TUSC3: variants seen among roughly 807,000 people sequenced by gnomAD.
TUSC3 encodes the protein dolichyl-diphosphooligosaccharide--protein glycosyltransferase subunit TUSC3.
TUSC3 carries 45 observed loss-of-function variants against 44.8 expected under a neutral mutation model. That is an observed-to-expected ratio of 1.00 (90% CI 0.79 to 1.29). The LOEUF is 1.29. Ranked by LOEUF, TUSC3 falls within the 50% of genes most tolerant of loss-of-function variation. The pLI, the probability that TUSC3 is intolerant of heterozygous loss-of-function variation, is 0.00. For synonymous variants in TUSC3, 212 were observed against 152.9 expected (o/e 1.39, Z -2.85); for missense variants, 519 against 437.9 (o/e 1.19, Z -1.65).
chr8:15,686,861 G>A (rs534436129), intron 6 of TUSC3, among the ~76,000 whole-genome samples: 1 of 151,880 alleles, frequency 6.6e-6, no homozygotes, highest in Non-Finnish European at 1.5e-5. Flanking sequence ...AAGGTCAGGA[G>A]ATCGAGACCA....
At chr8:15,580,812 C>G (rs1234060632) in intron 1 of TUSC3, among the ~76,000 whole-genome samples, 2 of 141,006 alleles carry the variant, frequency 1.4e-5, no homozygotes, top group Non-Finnish European at 3.1e-5. Context: ...TTGCTCTTCT[C>G]GAGGAGTATC....
rs1416244295 is a variant in TUSC3, at chr8:15,602,001, G to A, written c.139-21079G>A. ...TAATTTGTATCAATTGAGCATCCCT[G>A]ATCTAAAAATACGATGTCTACCTGA... On this transcript the variant is annotated intron_variant, in intron 1 of 10. Transcript: ENST00000503731. 2.0e-5 allele frequency among the ~76,000 whole-genome samples: 3 copies of A among 151,390 alleles called. No homozygotes were observed. In the Admixed American group the frequency reaches 2.0e-4, roughly 10 times the overall value.
At chr8:15,420,086 T>C (rs1381188324) in intron 1 of TUSC3, among the ~76,000 whole-genome samples, 1 of 152,164 alleles carries the variant, frequency 6.6e-6, no homozygotes, top group African/African-American at 2.4e-5. Context: ...AAAAACACTA[T>C]AACAAAGCTT....
chr8:15,669,019 G>A (rs1327261436), intron 5 of TUSC3, among the ~76,000 whole-genome samples: 4 of 151,676 alleles, frequency 2.6e-5, no homozygotes, highest in Admixed American at 2.0e-4. Context: ...GTTACAATTT[G>A]GGACCCACTG....
At chr8:15,488,555 C>A (rs935545878) in intron 2 of TUSC3, among the ~76,000 whole-genome samples, 1 of 151,910 alleles carries the variant, frequency 6.6e-6, no homozygotes, top group African/African-American at 2.4e-5. Flanking sequence ...ATGTTGTGTC[C>A]CCACCAAATT....
In TUSC3 at chr8:15,678,522, T is replaced by G. The variant is rs185181282; in HGVS notation, c.798+4686T>G. 1.2e-4 allele frequency among the ~76,000 whole-genome samples: 19 copies of G among 152,316 alleles called. No individual in the cohort carries two copies. The East Asian group carries it at 3.7e-3, about 29-fold the overall frequency. Reference sequence around the variant, plus strand: ...AAAAGTCTCATCAATTAAATATAGTTTTATTTTTAAGCCAATATCATATGT... The same window carrying G: ...AAAAGTCTCATCAATTAAATATAGTGTTATTTTTAAGCCAATATCATATGT... On this transcript the variant is annotated intron_variant, in intron 6 of 10. Coordinates refer to ENST00000503731, the MANE Select transcript of TUSC3 (RefSeq NM_006765.4).
At chr8:15,677,483 C>A (rs1808240636) in intron 6 of TUSC3, among the ~76,000 whole-genome samples, 1 of 152,162 alleles carries the variant, frequency 6.6e-6, no homozygotes, top group African/African-American at 2.4e-5. Context: ...GGTTCTTTTC[C>A]AAACTCTGAC....
chr8:15,437,884 C>T (rs1012953558), intron 1 of TUSC3, among the ~76,000 whole-genome samples: 1 of 152,160 alleles, frequency 6.6e-6, no homozygotes, highest in African/African-American at 2.4e-5. Flanking sequence ...AATGAATGCA[C>T]CCTGTTGAGA....
intron 2 of TUSC3, among the ~76,000 whole-genome samples, chr8:15,513,551 G>T (rs950123040): frequency 1.3e-5 from 2 of 152,096 alleles, no homozygotes; most frequent in Non-Finnish European, 2.9e-5. Flanking sequence ...CTAAACTTAG[G>T]TCCTTTTTAG....
At chr8:15,515,932 G>T (rs1237501297) in intron 2 of TUSC3, among the ~76,000 whole-genome samples, 1 of 152,034 alleles carries the variant, frequency 6.6e-6, no homozygotes, top group African/African-American at 2.4e-5. Flanking sequence ...GCCTCCTAAA[G>T]TGCTGGGATT....
chr8:15,734,785 G>A (rs887253784), intron 7 of TUSC3, among the ~76,000 whole-genome samples: 1 of 152,272 alleles, frequency 6.6e-6, no homozygotes, highest in African/African-American at 2.4e-5. Flanking sequence ...GGGTAAGGAG[G>A]CTATATTGGT....
intron 6 of TUSC3, among the ~76,000 whole-genome samples, chr8:15,729,008 C>T (rs1265887577): frequency 6.6e-6 from 1 of 152,020 alleles, no homozygotes; most frequent in Non-Finnish European, 1.5e-5. Flanking sequence ...TGGGGGAGTC[C>T]ATTGATGACC....
chr8:15,516,401 C>T (rs1456964844), intron 2 of TUSC3, among the ~76,000 whole-genome samples: 1 of 152,128 alleles, frequency 6.6e-6, no homozygotes, highest in African/African-American at 2.4e-5. Flanking sequence ...TTGATTACTT[C>T]AGGGCGTTAT....
chr8:15,523,056 C>T (rs549939157), intron 2 of TUSC3, among the ~76,000 whole-genome samples: 1 of 152,236 alleles, frequency 6.6e-6, no homozygotes, highest in South Asian at 2.1e-4. Context: ...GCACCTTTTC[C>T]AGGCTGTTCC....
At chr8:15,683,479 C>T (rs1365613129) in intron 6 of TUSC3, among the ~76,000 whole-genome samples, 2 of 151,934 alleles carry the variant, frequency 1.3e-5, no homozygotes, top group African/African-American at 2.4e-5. Flanking sequence ...TGGTGGATTT[C>T]TCAATTCCAG....
chr8:15,688,257 ACT>A (rs982890212), intron 6 of TUSC3, among the ~76,000 whole-genome samples: 11 of 152,094 alleles, frequency 7.2e-5, no homozygotes, highest in African/African-American at 2.4e-4. Context: ...CTCATTTATA[ACT>A]CTACAATTTC....
chr8:15,466,285 G>C (rs1800413555), intron 1 of TUSC3, among the ~76,000 whole-genome samples: 1 of 152,106 alleles, frequency 6.6e-6, no homozygotes, highest in African/African-American at 2.4e-5. Context: ...GAAATCACTG[G>C]AAAATTACCT....
Position 15,764,446 on chromosome 8 carries a change from G to A in TUSC3, c.*290G>A. 3 of 472,136 alleles carry A rather than the reference G, an allele frequency of 6.4e-6. No individual in the cohort carries two copies. The highest frequency in any genetic ancestry group is 3.6e-5 in the Admixed American group (1 of 27,952). 29.2% of individuals were successfully genotyped at this position (472,136 alleles called of 1,614,324 possible). On this transcript the variant is annotated 3_prime_UTR_variant, in exon 11 of 11. Coordinates refer to ENST00000503731, the MANE Select transcript of TUSC3 (RefSeq NM_006765.4). ...GTTTTTCAAGCCTGTTATATTCAGT[G>A]TGTGCCACAGGATTGAAATAAATGA...
At position 15,549,856 on chromosome 8, in the gene TUSC3, C is replaced by T. The variant is rs1047616573; in HGVS notation, c.138+9288C>T. Among the ~76,000 whole-genome samples the T allele has an allele frequency of 2.0e-5, 3 of 151,788 alleles. No individual in the cohort carries two copies. The East Asian group carries it at 5.9e-4, about 30-fold the overall frequency. On this transcript the variant is annotated intron_variant, in intron 1 of 10. Transcript: ENST00000503731. The stretch of plus-strand genomic sequence containing the variant: ...CATGATGGTGTAGCAGGACGAGCCG[C>T]AGACAAGAACCCCTCAGACACTGAA...
Sources: gnomAD v4.1 joint callset for allele counts (sites outside exome capture counted in the v4.1 genomes callset) on GRCh38, gnomAD v4.1.1 for gene constraint, MANE v1.5 for transcripts, NCBI Gene and HGNC (gene_info 2026-07-23, HGNC 2026-07-21) for gene names.